Variants in RAB3GAP2 observed in about 807,000 individuals in gnomAD.
The protein encoded by RAB3GAP2 is rab3 GTPase-activating protein non-catalytic subunit.
Under a neutral mutation model 185.3 loss-of-function variants are expected in RAB3GAP2, and 87 were observed. The observed-to-expected ratio is 0.47, with a 90% CI of 0.39 to 0.56. RAB3GAP2 has a LOEUF of 0.56. Ranked by LOEUF, RAB3GAP2 falls within the 20% of genes least tolerant of loss-of-function variation. The pLI is 0.00. For missense variants in RAB3GAP2, 1,492 were observed against 1,638.2 expected (o/e 0.91, Z 1.54); for synonymous variants, 554 against 576.1 (o/e 0.96, Z 0.55).
chr1:220,266,927 C>T, intron 1 of RAB3GAP2: 5 of 1,590,980 alleles, frequency 3.1e-6, no homozygotes, highest in Non-Finnish European at 4.3e-6. Flanking sequence ...TATGTATTTG[C>T]CTCAAAAGGA....
At position 220,189,746 on chromosome 1, in the gene RAB3GAP2, T is replaced by C. The variant is rs778847924; in HGVS notation, c.1736A>G (p.Lys579Arg). The change falls in exon 17 of 35, where the codon AAG becomes AGG. Residue 579 changes from lysine to arginine, a missense_variant. Around this residue, in one of 5 missense-constraint regions of RAB3GAP2, gnomAD observed 681 missense variants for 689.1 expected, o/e 0.99. Coordinates refer to ENST00000358951, the MANE Select transcript of RAB3GAP2 (RefSeq NM_012414.4). ...PNLDLVETEI[K>R]ELILDIKYPA... ...GTATTTAATATCAAGAATTAATTCC[T>C]TTATTTCTGTTTCAACCAAATCTAT... 6.5e-7 allele frequency: 1 copy of C among 1,529,814 alleles called. No individual in the cohort carries two copies. Among genetic ancestry groups the C allele is most frequent in the South Asian group, 1.2e-5 (1 of 84,574 alleles). The allele number at this position is 1,529,814 out of a possible 1,614,324, so 94.8% of individuals were successfully genotyped here.
intron 9 of RAB3GAP2, among the ~76,000 whole-genome samples, chr1:220,200,093 CTCACTCTTTACAG>C (rs771740760): frequency 2.0e-5 from 3 of 152,170 alleles, no homozygotes; most frequent in Non-Finnish European, 4.4e-5. Flanking sequence ...CTGTTTTCCC[CTCACTCTTTACAG>C]TCAAGTCACA....
At chr1:220,243,370 A>C (rs1046040590) in intron 1 of RAB3GAP2, among the ~76,000 whole-genome samples, 7 of 147,944 alleles carry the variant, frequency 4.7e-5, no homozygotes, top group East Asian at 2.0e-4. Context: ...AAAAAAAAAA[A>C]CATAATAATA....
chr1:220,207,291 C>T (rs77873171), intron 7 of RAB3GAP2, among the ~76,000 whole-genome samples: 7,136 of 152,212 alleles, frequency 0.047, 582 homozygotes, highest in African/African-American at 0.16. Flanking sequence ...TACCTATCAA[C>T]TTATATTTCC....
At position 220,149,611 on chromosome 1, in the gene RAB3GAP2, G is replaced by A. The variant is rs902205945; in HGVS notation, c.*1640C>T. 2.6e-5 allele frequency: 4 copies of A among 152,136 alleles called. No individual in the cohort carries two copies. Among genetic ancestry groups the A allele is most frequent in the African/African-American group, 7.2e-5 (3 of 41,388 alleles). 9.4% of individuals were successfully genotyped at this position (152,136 alleles called of 1,614,324 possible). A position where few individuals can be genotyped will look rare whatever the true frequency, so the allele number is the denominator to read the frequency against. On this transcript the variant is annotated 3_prime_UTR_variant, in exon 35 of 35. Transcript: ENST00000358951. The stretch of plus-strand genomic sequence containing the variant: ...GATATGTTTACAAGAATTCTAGGAT[G>A]TGTGTGGCTGGGGCAGCGGAGACCC...
At chr1:220,154,896 G>T (rs1246667109) in intron 31 of RAB3GAP2, among the ~76,000 whole-genome samples, 4 of 151,752 alleles carry the variant, frequency 2.6e-5, no homozygotes, top group African/African-American at 4.8e-5. Flanking sequence ...TAATTTTTTT[G>T]TATTTTTAGT....
At chr1:220,262,524 T>G (rs969958161) in intron 1 of RAB3GAP2, among the ~76,000 whole-genome samples, 1 of 152,214 alleles carries the variant, frequency 6.6e-6, no homozygotes, top group Non-Finnish European at 1.5e-5. Context: ...TTTGTTTCTA[T>G]AAATGACTAC....
At chr1:220,262,711 T>C (rs1312935569) in intron 1 of RAB3GAP2, among the ~76,000 whole-genome samples, 1 of 152,228 alleles carries the variant, frequency 6.6e-6, no homozygotes, top group African/African-American at 2.4e-5. Context: ...TATCCATTCA[T>C]CCATCGATGG....
intron 9 of RAB3GAP2, among the ~76,000 whole-genome samples, chr1:220,198,184 C>T (rs570813517): frequency 2.4e-3 from 358 of 152,334 alleles, no homozygotes; most frequent in Middle Eastern, 0.014. Flanking sequence ...ACATACTCCT[C>T]TGGCTAAATC....
chr1:220,263,713 A>C (rs1660181068), intron 1 of RAB3GAP2, among the ~76,000 whole-genome samples: 1 of 152,064 alleles, frequency 6.6e-6, no homozygotes, highest in Non-Finnish European at 1.5e-5. Flanking sequence ...TTGAAATCAG[A>C]AAGTGTGAAT....
intron 9 of RAB3GAP2, 137 bp from the exon 10 acceptor site, chr1:220,196,535 C>A: frequency 1.1e-6 from 1 of 922,698 alleles, no homozygotes; most frequent in Non-Finnish European, 1.6e-6. Context: ...ACAAAGTCAA[C>A]ATCAGAAAAT....
intron 13 of RAB3GAP2, among the ~76,000 whole-genome samples, chr1:220,191,686 C>T (rs937377732): frequency 1.2e-4 from 18 of 151,808 alleles, no homozygotes; most frequent in Non-Finnish European, 2.4e-4. Flanking sequence ...GGCATGGCGG[C>T]GCATGCCTGT....
chr1:220,230,139 G>A (rs774057396), intron 2 of RAB3GAP2, among the ~76,000 whole-genome samples: 19 of 152,078 alleles, frequency 1.2e-4, no homozygotes, highest in Non-Finnish European at 2.1e-4. Flanking sequence ...GCCTGACCAG[G>A]AGGCAGCAAT....
intron 1 of RAB3GAP2, among the ~76,000 whole-genome samples, chr1:220,258,760 T>C (rs1049891314): frequency 6.6e-6 from 1 of 152,126 alleles, no homozygotes; most frequent in Non-Finnish European, 1.5e-5. Flanking sequence ...GAGAAAGAAA[T>C]AGAGGGTTCT....
At chr1:220,265,694 G>A (rs2102536165) in intron 1 of RAB3GAP2, among the ~76,000 whole-genome samples, 1 of 152,190 alleles carries the variant, frequency 6.6e-6, no homozygotes, top group African/African-American at 2.4e-5. Context: ...GAGAGTCCAG[G>A]TGGGAGGATC....
At chr1:220,208,830 C>T (rs940509136) in intron 7 of RAB3GAP2, among the ~76,000 whole-genome samples, 1 of 152,192 alleles carries the variant, frequency 6.6e-6, no homozygotes, top group African/African-American at 2.4e-5. Context: ...AATTCTCCTG[C>T]CTCAGCCTTC....
At chr1:220,163,744 C>CATACATACAT (rs775527991) in intron 27 of RAB3GAP2, among the ~76,000 whole-genome samples, 75 of 122,988 alleles carry the variant, frequency 6.1e-4, no homozygotes, top group African/African-American at 2.0e-3. Context: ...TAAATACATA[C>CATACATACAT]ATATATATAT....
intron 1 of RAB3GAP2, among the ~76,000 whole-genome samples, chr1:220,235,569 T>A (rs1659575223): frequency 6.6e-6 from 1 of 152,206 alleles, no homozygotes; most frequent in Non-Finnish European, 1.5e-5. Context: ...CAAACACATC[T>A]TTTATGTTCT....
chr1:220,150,847 A>G lies in RAB3GAP2; in HGVS notation c.*404T>C, dbSNP rs1059140. 0.074 allele frequency: 13,652 copies of G among 183,416 alleles called. 681 individuals carry two copies. Among genetic ancestry groups the G allele is most frequent in the South Asian group, 0.14 (1,190 of 8,770 alleles). 11.4% of individuals were successfully genotyped at this position (183,416 alleles called of 1,614,324 possible). A position where few individuals can be genotyped will look rare whatever the true frequency, so the allele number is the denominator to read the frequency against. ...AGGAGAGTGGGGTGTTCTATACGCTACTGATGGGGACTGTACATGAACACA... is the reference window on the plus strand; with the variant it reads ...AGGAGAGTGGGGTGTTCTATACGCTGCTGATGGGGACTGTACATGAACACA... On this transcript the variant is annotated 3_prime_UTR_variant, in exon 35 of 35. Transcript: ENST00000358951.
Sources: allele counts gnomAD v4.1 joint callset (sites outside exome capture counted in the v4.1 genomes callset), GRCh38; gene constraint gnomAD v4.1.1; regional missense constraint gnomAD v4.1.1; transcripts MANE v1.5; gene names NCBI Gene and HGNC (gene_info 2026-07-23, HGNC 2026-07-21).